PLGRKT: variants seen among roughly 807,000 people sequenced by gnomAD.
PLGRKT encodes plasminogen receptor with a C-terminal lysine, also known as plasminogen receptor (KT).
In PLGRKT, 22 loss-of-function variants were observed where a neutral mutation model predicts 18.5. The observed-to-expected ratio is 1.19, with a 90% CI of 0.85 to 1.70. PLGRKT has a LOEUF of 1.70. Ranked by LOEUF, PLGRKT falls within the 40% of genes most tolerant of loss-of-function variation. The pLI is 0.00. For synonymous variants in PLGRKT, 72 were observed against 52.8 expected (o/e 1.36, Z -1.58); for missense variants, 235 against 174.4 (o/e 1.35, Z -1.96).
intron 3 of PLGRKT, among the ~76,000 whole-genome samples, chr9:5,420,583 G>A (rs1428379502): frequency 2.0e-5 from 3 of 152,082 alleles, no homozygotes; most frequent in Admixed American, 1.3e-4. Flanking sequence ...CCACTCCCTC[G>A]GTGAACTTGT....
chr9:5,416,988 G>C (rs1198320794), intron 3 of PLGRKT, among the ~76,000 whole-genome samples: 3 of 152,172 alleles, frequency 2.0e-5, no homozygotes, highest in Non-Finnish European at 1.5e-5. Context: ...CATTTTAAGA[G>C]ACTTGGTGGA....
chr9:5,395,724 G>C (rs1299907356), intron 3 of PLGRKT, among the ~76,000 whole-genome samples: 2 of 151,476 alleles, frequency 1.3e-5, no homozygotes, highest in Non-Finnish European at 1.5e-5. Flanking sequence ...TCTTGAAATA[G>C]GCAAAAAGAA....
upstream of PLGRKT, among the ~76,000 whole-genome samples, chr9:5,438,267 G>A (rs1288738931): frequency 6.6e-6 from 1 of 152,176 alleles, no homozygotes; most frequent in Non-Finnish European, 1.5e-5. Flanking sequence ...AGAGATGTCG[G>A]TCTCGCCTCA....
chr9:5,433,391 G>A (rs1298851363), intron 2 of PLGRKT, among the ~76,000 whole-genome samples: 1 of 143,326 alleles, frequency 7.0e-6, no homozygotes, highest in Non-Finnish European at 1.5e-5. Context: ...TCCACCGTCT[G>A]GGATGTGAGG....
At chr9:5,402,534 A>T (rs1015761473) in intron 3 of PLGRKT, among the ~76,000 whole-genome samples, 1 of 151,926 alleles carries the variant, frequency 6.6e-6, no homozygotes, top group African/African-American at 2.4e-5. Context: ...GCTGGGAACC[A>T]CACTGGCTGA....
chr9:5,421,708 A>G (rs773876583), intron 3 of PLGRKT, among the ~76,000 whole-genome samples: 3 of 152,206 alleles, frequency 2.0e-5, no homozygotes, highest in Non-Finnish European at 2.9e-5. Flanking sequence ...TCCTCAGAGT[A>G]ACCCTACAAA....
intron 3 of PLGRKT, among the ~76,000 whole-genome samples, chr9:5,420,607 C>T (rs1280039431): frequency 6.6e-6 from 1 of 152,078 alleles, no homozygotes; most frequent in Non-Finnish European, 1.5e-5. Context: ...GGCCATGCTG[C>T]CCCTTTAAGA....
At chr9:5,438,329 A>C (rs1306683522), upstream of PLGRKT, among the ~76,000 whole-genome samples, 1 of 152,176 alleles carries the variant, frequency 6.6e-6, no homozygotes, top group Non-Finnish European at 1.5e-5. Flanking sequence ...TCCCAGCCTG[A>C]GAGAATGCTT....
At chr9:5,388,001 G>C (rs983187862) in intron 3 of PLGRKT, among the ~76,000 whole-genome samples, 10 of 151,890 alleles carry the variant, frequency 6.6e-5, no homozygotes, top group Non-Finnish European at 1.3e-4. Flanking sequence ...GACATGATGT[G>C]TCAAGCAGGC....
At position 5,429,012 on chromosome 9, in the gene PLGRKT, T is replaced by C. The variant is rs768612044; in HGVS notation, c.81+2885A>G. On this transcript the variant is annotated intron_variant, in intron 3 of 5. Coordinates refer to ENST00000223864, the MANE Select transcript of PLGRKT (RefSeq NM_018465.4). ...TCATCATGCTTGATCACATGTATAT[T>C]GTGACTAGGTGGGGGAAAGTAACTG... 6.6e-5 allele frequency among the ~76,000 whole-genome samples: 10 copies of C among 152,126 alleles called. 1 individual carries two copies. The highest frequency in any genetic ancestry group is 2.2e-4 in the African/African-American group (9 of 41,412).
chr9:5,413,371 A>C (rs1259373510), intron 3 of PLGRKT, among the ~76,000 whole-genome samples: 2 of 152,240 alleles, frequency 1.3e-5, no homozygotes, highest in African/African-American at 2.4e-5. Flanking sequence ...GAACCTGTGA[A>C]TGTATCTCCT....
upstream of PLGRKT, chr9:5,437,977 A>T (rs1294967369): frequency 2.0e-5 from 3 of 152,270 alleles, no homozygotes; most frequent in Non-Finnish European, 4.4e-5. Context: ...CTTCCGCCAG[A>T]AGCCGGGTGT....
chr9:5,398,729 A>G (rs561618654), intron 3 of PLGRKT, among the ~76,000 whole-genome samples: 1 of 151,898 alleles, frequency 6.6e-6, no homozygotes, highest in Non-Finnish European at 1.5e-5. Context: ...AGGAAATTAT[A>G]TCATGTTTAA....
rs1448048866 is a variant in PLGRKT at position 5,368,566 on chromosome 9, C to T, written c.82-6678G>A. Among the ~76,000 whole-genome samples the T allele has an allele frequency of 2.0e-5, 3 of 152,048 alleles. No homozygotes were observed. In the East Asian group the frequency reaches 5.8e-4, roughly 29 times the overall value. ...TAGACATAAAGATGGCAACAATAGACACCAAGGACTACTAGAAGGGGTAGA... is the reference window on the plus strand; with the variant it reads ...TAGACATAAAGATGGCAACAATAGATACCAAGGACTACTAGAAGGGGTAGA... On this transcript the variant is annotated intron_variant, in intron 3 of 5. Coordinates refer to ENST00000223864, the MANE Select transcript of PLGRKT (RefSeq NM_018465.4).
At chr9:5,400,855 C>CAT (rs1184387989) in intron 3 of PLGRKT, among the ~76,000 whole-genome samples, 4 of 151,842 alleles carry the variant, frequency 2.6e-5, no homozygotes, top group Admixed American at 2.6e-4. Context: ...GCTATTCAGC[C>CAT]ATATGATGTA....
chr9:5,429,890 C>G (rs1350122972), intron 3 of PLGRKT, among the ~76,000 whole-genome samples: 3 of 152,214 alleles, frequency 2.0e-5, no homozygotes, highest in East Asian at 1.9e-4. Flanking sequence ...ACTCCCAGGT[C>G]TGACATCTCC....
intron 3 of PLGRKT, among the ~76,000 whole-genome samples, chr9:5,429,434 T>C (rs1051353277): frequency 6.6e-6 from 1 of 152,194 alleles, no homozygotes; most frequent in Admixed American, 6.5e-5. Context: ...GCAACAGAAA[T>C]TTATTGTCTC....
At chr9:5,361,644 G>GTTA (rs1365008134) in intron 4 of PLGRKT, 114 bp downstream of exon 4, 5 of 970,594 alleles carry the variant, frequency 5.2e-6, no homozygotes, top group Non-Finnish European at 7.6e-6. Flanking sequence ...GGTTACTTTG[G>GTTA]TTACATACAC....
chr9:5,403,840 T>C (rs1818203394), intron 3 of PLGRKT, among the ~76,000 whole-genome samples: 1 of 152,212 alleles, frequency 6.6e-6, no homozygotes, highest in South Asian at 2.1e-4. Flanking sequence ...GGAAATACCA[T>C]TTCTATGGCC....
Sources: allele counts gnomAD v4.1 joint callset (sites outside exome capture counted in the v4.1 genomes callset), GRCh38; gene constraint gnomAD v4.1.1; transcripts MANE v1.5; gene names NCBI Gene and HGNC (gene_info 2026-07-23, HGNC 2026-07-21).